The following ADGRL2 variants were observed in gnomAD, a reference collection of about 807,000 sequenced individuals.
The protein encoded by ADGRL2 is calcium-independent alpha-latrotoxin receptor 2.
ADGRL2 carries 44 observed loss-of-function variants against 157.4 expected under a neutral mutation model. That is an observed-to-expected ratio of 0.28 (90% CI 0.22 to 0.36). The LOEUF is 0.36. Among genes scored for constraint, ADGRL2 ranks in the 10% least tolerant of loss-of-function variants. ADGRL2 has a pLI of 1.00. For synonymous variants in ADGRL2, 585 were observed against 624.7 expected (o/e 0.94, Z 0.95); for missense variants, 1,510 against 1,768.9 (o/e 0.85, Z 2.63).
intron 2 of ADGRL2, among the ~76,000 whole-genome samples, chr1:81,841,529 C>G (rs1034947491): frequency 7.2e-5 from 11 of 152,282 alleles, no homozygotes; most frequent in African/African-American, 2.2e-4. Context: ...TGATTAGTAA[C>G]TTTATTCTCC....
At chr1:81,390,437 G>C (rs1349429143) in intron 1 of ADGRL2, among the ~76,000 whole-genome samples, 1 of 152,304 alleles carries the variant, frequency 6.6e-6, no homozygotes. Context: ...GTATTAAGGT[G>C]AAGATATGGA....
chr1:81,634,271 G>A (rs1000218454), intron 3 of ADGRL2, among the ~76,000 whole-genome samples: 6 of 152,026 alleles, frequency 3.9e-5, no homozygotes, highest in African/African-American at 1.5e-4. Flanking sequence ...AATCTATCTT[G>A]CTCACTCTCA....
At chr1:81,748,467 C>CAAAAAAAAAAAAA (rs973818702) in intron 1 of ADGRL2, among the ~76,000 whole-genome samples, 2 of 42,420 alleles carry the variant, frequency 4.7e-5, no homozygotes, top group African/African-American at 8.9e-5. Flanking sequence ...GATTCCGTCT[C>CAAAAAAAAAAAAA]AAAAAAAAAA....
chr1:81,975,534 A>G (rs946375019), intron 17 of ADGRL2, among the ~76,000 whole-genome samples: 15 of 151,982 alleles, frequency 9.9e-5, no homozygotes, highest in Admixed American at 9.9e-4. Flanking sequence ...TAGGGGAAAT[A>G]CCATGTTGGA....
intron 2 of ADGRL2, among the ~76,000 whole-genome samples, chr1:81,482,632 ATAG>A (rs2078413950): frequency 6.6e-6 from 1 of 152,134 alleles, no homozygotes. Flanking sequence ...TTCATTCTAG[ATAG>A]TAGTAATTAT....
chr1:81,522,798 G>T (rs2079353770), intron 2 of ADGRL2, among the ~76,000 whole-genome samples: 3 of 152,068 alleles, frequency 2.0e-5, no homozygotes. Context: ...TTGCGTGCTT[G>T]ATTGTTTTGT....
chr1:81,809,282 T>G (rs2089557184), intron 1 of ADGRL2, among the ~76,000 whole-genome samples: 1 of 152,040 alleles, frequency 6.6e-6, no homozygotes, highest in African/African-American at 2.4e-5. Flanking sequence ...GTAGATTTAG[T>G]ACTTTAATAA....
At chr1:81,932,759 T>C (rs2095252278) in intron 3 of ADGRL2, among the ~76,000 whole-genome samples, 1 of 152,142 alleles carries the variant, frequency 6.6e-6, no homozygotes, top group African/African-American at 2.4e-5. Context: ...AATGGTGCAA[T>C]CTCAGCTCAC....
intron 16 of ADGRL2, among the ~76,000 whole-genome samples, chr1:81,970,991 T>C (rs1658555234): frequency 6.6e-6 from 1 of 152,102 alleles, no homozygotes. Context: ...TAATATTGTA[T>C]CAGGCAGTTT....
intron 3 of ADGRL2, among the ~76,000 whole-genome samples, chr1:81,651,191 C>T (rs1018754227): frequency 1.3e-5 from 2 of 151,684 alleles, no homozygotes; most frequent in East Asian, 1.9e-4. Context: ...AATTGTTGGT[C>T]GTAGAAAAGG....
At chr1:81,375,425 A>G (rs1340064643) in intron 1 of ADGRL2, among the ~76,000 whole-genome samples, 1 of 152,242 alleles carries the variant, frequency 6.6e-6, no homozygotes. Context: ...TGGATCATTT[A>G]CAATAATATA....
At chr1:81,556,004 A>T (rs1403453662) in intron 2 of ADGRL2, among the ~76,000 whole-genome samples, 1 of 152,122 alleles carries the variant, frequency 6.6e-6, no homozygotes, top group Non-Finnish European at 1.5e-5. Flanking sequence ...CCTGAAAAAA[A>T]AAAAGTAAAC....
chr1:81,348,439 G>A (rs1474197711), intron 1 of ADGRL2, among the ~76,000 whole-genome samples: 1 of 152,116 alleles, frequency 6.6e-6, no homozygotes, highest in East Asian at 1.9e-4. Flanking sequence ...ACCAAAAAAG[G>A]TACAATTTGT....
Position 81,681,150 on chromosome 1 carries a change from A to T in ADGRL2, c.-142-80661A>T, listed in dbSNP as rs866173319. Among the ~76,000 whole-genome samples, 10 of 152,238 alleles carry T rather than the reference A, an allele frequency of 6.6e-5. 1 individual carries two copies. The highest frequency in any genetic ancestry group is 3.3e-4 in the Admixed American group (5 of 15,284). On this transcript the variant is annotated intron_variant, in intron 3 of 24. Transcript: ENST00000370721. The stretch of plus-strand genomic sequence containing the variant: ...TGGTAAGAATTCACCAGCTGCCTCT[A>T]TATCTTAAATCTGTAAGAGAAAGGT...
At chr1:81,535,825 G>A (rs897897280) in intron 2 of ADGRL2, among the ~76,000 whole-genome samples, 1 of 152,146 alleles carries the variant, frequency 6.6e-6, no homozygotes, top group Non-Finnish European at 1.5e-5. Context: ...CTCCTGCAAA[G>A]TAGGTTTGAA....
At chr1:81,747,445 C>T (rs555495077) in intron 1 of ADGRL2, among the ~76,000 whole-genome samples, 62 of 151,646 alleles carry the variant, frequency 4.1e-4, no homozygotes, top group African/African-American at 1.4e-3. Flanking sequence ...GGATTACAGG[C>T]GCATGCCGCC....
intron 1 of ADGRL2, among the ~76,000 whole-genome samples, chr1:81,401,719 G>C (rs757332437): frequency 1.2e-4 from 19 of 152,198 alleles, no homozygotes; most frequent in South Asian, 8.3e-4. Context: ...TGTCTTAGTT[G>C]TCCCTGAAGT....
At chr1:81,385,244 G>A (rs943513779) in intron 1 of ADGRL2, among the ~76,000 whole-genome samples, 2 of 152,118 alleles carry the variant, frequency 1.3e-5, no homozygotes, top group East Asian at 1.9e-4. Flanking sequence ...GCAAGATACA[G>A]CTTTCGGGGC....
At chr1:81,454,953 C>G (rs190925640) in intron 2 of ADGRL2, among the ~76,000 whole-genome samples, 1 of 152,142 alleles carries the variant, frequency 6.6e-6, no homozygotes, top group East Asian at 1.9e-4. Flanking sequence ...AATGACAAAA[C>G]GACAAATTCA....
Sources: gnomAD v4.1 joint callset for allele counts (sites outside exome capture counted in the v4.1 genomes callset) on GRCh38, gnomAD v4.1.1 for gene constraint, MANE v1.5 for transcripts, NCBI Gene and HGNC (gene_info 2026-07-23, HGNC 2026-07-21) for gene names.